SCAI: variants seen among roughly 807,000 people sequenced by gnomAD.
SCAI encodes suppressor of cancer cell invasion, also known as protein SCAI.
In SCAI, 24 loss-of-function variants were observed where a neutral mutation model predicts 92.2. That is an observed-to-expected ratio of 0.26 (90% CI 0.19 to 0.37). The LOEUF is 0.37. Ranked by LOEUF, SCAI falls within the 10% of genes least tolerant of loss-of-function variation. The pLI is 1.00. For missense variants in SCAI, 450 were observed against 736.2 expected (o/e 0.61, Z 4.50); for synonymous variants, 261 against 258.6 (o/e 1.01, Z -0.09).
At chr9:125,122,177 G>C (rs185384193) in intron 2 of SCAI, among the ~76,000 whole-genome samples, 3 of 152,276 alleles carry the variant, frequency 2.0e-5, no homozygotes, top group African/African-American at 7.2e-5. Context: ...GATTACACTA[G>C]GATTTCTCCT....
At chr9:125,047,585 T>C (rs1833470787) in intron 3 of SCAI, among the ~76,000 whole-genome samples, 1 of 152,164 alleles carries the variant, frequency 6.6e-6, no homozygotes, top group Admixed American at 6.6e-5. Context: ...GAACACCTCA[T>C]GGACCAGTGA....
At chr9:125,068,679 A>G (rs1334123761) in intron 2 of SCAI, among the ~76,000 whole-genome samples, 1 of 152,190 alleles carries the variant, frequency 6.6e-6, no homozygotes, top group Admixed American at 6.5e-5. Flanking sequence ...AAAATTTTTT[A>G]TAAAAAAATT....
intron 2 of SCAI, among the ~76,000 whole-genome samples, chr9:125,140,140 G>A (rs1588259895): frequency 6.6e-6 from 1 of 152,138 alleles, no homozygotes; most frequent in Non-Finnish European, 1.5e-5. Flanking sequence ...AGGATTACCA[G>A]GTCGAGGCTG....
At chr9:125,077,078 G>A (rs1188641476) in intron 2 of SCAI, among the ~76,000 whole-genome samples, 2 of 152,094 alleles carry the variant, frequency 1.3e-5, no homozygotes, top group South Asian at 2.1e-4. Flanking sequence ...CACCTACTCG[G>A]GAAGGTGAGT....
At chr9:125,010,629 G>A (rs1832615851) in intron 9 of SCAI, among the ~76,000 whole-genome samples, 1 of 152,330 alleles carries the variant, frequency 6.6e-6, no homozygotes, top group South Asian at 2.1e-4. Flanking sequence ...AAAGACAGCA[G>A]TAACCTCTGC....
At chr9:125,120,249 A>G (rs1835131913) in intron 2 of SCAI, among the ~76,000 whole-genome samples, 1 of 152,244 alleles carries the variant, frequency 6.6e-6, no homozygotes, top group African/African-American at 2.4e-5. Flanking sequence ...TTTTGTTAAT[A>G]GTATTTATTG....
chr9:125,046,563 G>A (rs1833448141), intron 3 of SCAI, among the ~76,000 whole-genome samples: 1 of 150,642 alleles, frequency 6.6e-6, no homozygotes, highest in Non-Finnish European at 1.5e-5. Flanking sequence ...GATAGGGTAG[G>A]AGGGGCGTGA....
In SCAI at chr9:125,073,340, G is replaced by A. The variant is rs555784939; in HGVS notation, c.99-17333C>T. On this transcript the variant is annotated intron_variant, in intron 2 of 17. Coordinates refer to ENST00000336505, the MANE Select transcript of SCAI (RefSeq NM_001144877.3). ...AGGATGGTCTCGATCTCCTGACCTC[G>A]TGATCCACCCGCCTCGGCCTCCCAA... Among the ~76,000 whole-genome samples, 11 of 151,446 alleles carry A rather than the reference G, an allele frequency of 7.3e-5. No individual in the cohort carries two copies. The South Asian group carries it at 8.3e-4, about 11-fold the overall frequency.
intron 17 of SCAI, among the ~76,000 whole-genome samples, chr9:124,963,062 G>A (rs930480954): frequency 6.6e-6 from 1 of 151,448 alleles, no homozygotes; most frequent in African/African-American, 2.4e-5. Context: ...GCCTCCCATA[G>A]TGCTGGGATT....
At chr9:125,107,434 GA>G (rs1391354510) in intron 2 of SCAI, among the ~76,000 whole-genome samples, 1 of 150,236 alleles carries the variant, frequency 6.7e-6, no homozygotes, top group African/African-American at 2.4e-5. Context: ...AAAAAGAAAA[GA>G]AAAAGAAATA....
intron 2 of SCAI, among the ~76,000 whole-genome samples, chr9:125,075,729 C>G (rs1335670369): frequency 6.6e-6 from 1 of 152,094 alleles, no homozygotes; most frequent in Non-Finnish European, 1.5e-5. Context: ...CCATGCCCGG[C>G]TAGTTTTGTA....
chr9:124,953,458 C>T (rs889861850), intron 17 of SCAI, among the ~76,000 whole-genome samples: 2 of 152,052 alleles, frequency 1.3e-5, no homozygotes, highest in African/African-American at 2.4e-5. Context: ...GAAACCCCAT[C>T]TCTACTAAAA....
chr9:125,016,904 G>A (rs1832770992), intron 9 of SCAI, among the ~76,000 whole-genome samples: 2 of 152,172 alleles, frequency 1.3e-5, no homozygotes, highest in South Asian at 4.1e-4. Flanking sequence ...TGGAATCTCA[G>A]TATCTGGAAC....
At chr9:125,131,362 T>A (rs1185904673) in intron 2 of SCAI, among the ~76,000 whole-genome samples, 1 of 149,568 alleles carries the variant, frequency 6.7e-6, no homozygotes, top group East Asian at 2.0e-4. Context: ...GAGCCGAGAT[T>A]GTGCCACTGC....
At chr9:125,141,234 T>C (rs1329267557) in intron 2 of SCAI, among the ~76,000 whole-genome samples, 3 of 152,232 alleles carry the variant, frequency 2.0e-5, no homozygotes, top group Non-Finnish European at 4.4e-5. Context: ...ATATGGTTAC[T>C]GGATTGGACA....
rs75473497 is a variant in SCAI, at chr9:125,027,370, T to A, written c.414-460A>T. 2.3e-3 allele frequency among the ~76,000 whole-genome samples: 349 copies of A among 152,320 alleles called. 3 individuals are homozygous for A. Among genetic ancestry groups the A allele is most frequent in the Middle Eastern group, 0.02 (6 of 294 alleles). Reference sequence around the variant, plus strand: ...AAGGGACTTTTTAAGAAAACATTTCTACCTGAGAAAACACTTCTAGTTTTA... The same window carrying A: ...AAGGGACTTTTTAAGAAAACATTTCAACCTGAGAAAACACTTCTAGTTTTA... On this transcript the variant is annotated intron_variant, in intron 5 of 17. Transcript: ENST00000336505.
intron 2 of SCAI, among the ~76,000 whole-genome samples, chr9:125,092,365 A>G (rs1441310770): frequency 6.6e-6 from 1 of 152,036 alleles, no homozygotes; most frequent in African/African-American, 2.4e-5. Flanking sequence ...AGACAGGAGA[A>G]TAGCTTGAAT....
intron 6 of SCAI, 75 bp from the exon 7 acceptor site, chr9:125,020,844 C>T (rs904384912): frequency 8.0e-6 from 5 of 625,308 alleles, no homozygotes; most frequent in Non-Finnish European, 1.4e-5. Flanking sequence ...TTTCTGATAG[C>T]TTTTAAAACT....
At chr9:125,045,045 C>T (rs1412395020) in intron 3 of SCAI, among the ~76,000 whole-genome samples, 1 of 152,172 alleles carries the variant, frequency 6.6e-6, no homozygotes, top group East Asian at 1.9e-4. Context: ...CTACCCTTGG[C>T]AGGTGTGGGA....
Sources: allele counts gnomAD v4.1 joint callset (sites outside exome capture counted in the v4.1 genomes callset), GRCh38; gene constraint gnomAD v4.1.1; transcripts MANE v1.5; gene names NCBI Gene and HGNC (gene_info 2026-07-23, HGNC 2026-07-21).